Variants in KRT2 observed in about 807,000 individuals in gnomAD.
KRT2 encodes the protein keratin 2, also known as keratin, type II cytoskeletal 2 epidermal.
Under a neutral mutation model 48.5 loss-of-function variants are expected in KRT2, and 37 were observed. The observed-to-expected ratio is 0.76, with a 90% confidence interval of 0.59 to 1.00. The LOEUF (loss-of-function observed/expected upper bound fraction) is 1.00, where lower values mean the gene tolerates loss of function less well. Among genes scored for constraint, KRT2 ranks in the 50% least tolerant of loss-of-function variants. KRT2 has a pLI of 0.00. For synonymous variants in KRT2, 324 were observed against 312.2 expected, an observed-to-expected ratio of 1.04 and a Z score of -0.40; for missense variants, 880 against 815.2, an observed-to-expected ratio of 1.08 and a Z score of -0.97.
Position 52,645,402 on chromosome 12 carries a change from C to T in KRT2, c.1537G>A (p.Ala513Thr), listed in dbSNP as rs1941149365. The T allele has an allele frequency of 1.2e-6, 2 of 1,614,220 alleles. No homozygotes were observed. The highest frequency in any genetic ancestry group is 1.7e-6 in the Non-Finnish European group (2 of 1,180,046). The change falls in exon 9 of 9, where the codon GCA becomes ACA. Residue 513 changes from alanine (A) to threonine (T), a missense_variant. Ala to Thr is a moderately conservative substitution (Grantham distance 58). Coordinates refer to ENST00000309680, the MANE Select transcript of KRT2 (RefSeq NM_000423.3). The stretch of plus-strand genomic sequence containing the variant: ...GAACCTCCAAAGGCAGCCTTGGATG[C>T]CACATTTGATGAAATGGTGCTGCTT... Reference protein sequence around the residue: ...VTSSTISSNVASKAAFGGSGG... With the variant: ...VTSSTISSNVTSKAAFGGSGG...
In KRT2 at chr12:52,647,752, T is replaced by C; in HGVS notation, c.1226A>G (p.Glu409Gly). Residue 409 changes from glutamate to glycine, a missense_variant, in exon 6 of 9, where the codon GAG becomes GGG. Glu to Gly is a moderately conservative substitution (Grantham distance 98). Transcript: ENST00000309680. ...LNRVIQRLQGEIAHVKKQCKN... is the reference protein window; with the variant it reads ...LNRVIQRLQGGIAHVKKQCKN... ...CACCTGCTTCTTCACATGTGCGATC[T>C]CCCCCTGCAGCCTCTGGATCACGCG... 4 of 1,613,748 alleles carry C rather than the reference T, an allele frequency of 2.5e-6. No individual in the cohort carries two copies. The highest frequency in any genetic ancestry group is 3.4e-6 in the Non-Finnish European group (4 of 1,179,840).
At chr12:52,648,138 G>T in intron 5 of KRT2, 35 bp downstream of exon 5, 1 of 1,610,088 alleles carries the variant, frequency 6.2e-7, no homozygotes, top group Non-Finnish European at 8.5e-7. Flanking sequence ...CTCATGGCAG[G>T]GAGCTGTGGC....
rs1171146169 is a variant in KRT2, at chr12:52,651,751, C to A, written c.392G>T (p.Gly131Val). Reference sequence around the variant, plus strand: ...ACCAGGACCCCCTAAACCTCCAACACCACCAGGGCCCCCAAAACCTCCAAA... The same window carrying A: ...ACCAGGACCCCCTAAACCTCCAACAACACCAGGGCCCCCAAAACCTCCAAA... Reference protein sequence around the residue: ...GRFGGFGGPGGVGGLGGPGGF... With the variant: ...GRFGGFGGPGVVGGLGGPGGF... Residue 131 changes from glycine (G) to valine (V), a missense_variant, in exon 1 of 9, where the codon GGT becomes GTT. Gly to Val is a moderately radical substitution (Grantham distance 109). Coordinates refer to ENST00000309680, the MANE Select transcript of KRT2 (RefSeq NM_000423.3). The A allele has an allele frequency of 6.2e-7, 1 of 1,613,956 alleles. No homozygotes were observed. The highest frequency in any genetic ancestry group is 8.5e-7 in the Non-Finnish European group (1 of 1,179,918).
intron 4 of KRT2, 139 bp downstream of exon 4, chr12:52,648,868 C>A (rs1042334892): frequency 1.1e-5 from 8 of 700,592 alleles, no homozygotes; most frequent in Non-Finnish European, 2.1e-5. Flanking sequence ...GAAAGCCCCC[C>A]CAGTGGCCTG....
In KRT2 at chr12:52,650,555, T is replaced by G; in HGVS notation, c.586-2A>C. On this transcript the variant is annotated splice_acceptor_variant, in intron 1 of 8. Transcript: ENST00000309680. LOFTEE classifies it high-confidence loss of function. ...GTTCTGCTGCTCCAAGAACCGCACC[T>G]GCCATGACCAGAAGGAGAGCACATG... 1.2e-6 allele frequency: 2 copies of G among 1,611,442 alleles called. No individual in the cohort carries two copies. Among genetic ancestry groups the G allele is most frequent in the Non-Finnish European group, 1.7e-6 (2 of 1,179,152 alleles).
In KRT2 at chr12:52,651,967, C is replaced by T; in HGVS notation, c.176G>A (p.Gly59Asp). Residue 59 changes from glycine to aspartate, a missense_variant, in exon 1 of 9, where the codon GGC becomes GAC. Transcript: ENST00000309680. Reference sequence around the variant, plus strand: ...TCCAAGGCCAACAAGACTCCGACTGCCAAAGCCGCCTCCACCGAAGCCCCC... The same window carrying T: ...TCCAAGGCCAACAAGACTCCGACTGTCAAAGCCGCCTCCACCGAAGCCCCC... ...GGGGFGGGGF[G>D]SRSLVGLGGT... 6.2e-7 allele frequency: 1 copy of T among 1,613,684 alleles called. No homozygotes were observed. Among genetic ancestry groups the T allele is most frequent in the Non-Finnish European group, 8.5e-7 (1 of 1,179,790 alleles).
intron 5 of KRT2, 66 bp from the exon 6 acceptor site, chr12:52,647,921 GGAGTGAAGGA>G (rs1319005330): frequency 1.3e-6 from 2 of 1,598,974 alleles, no homozygotes; most frequent in African/African-American, 2.7e-5. Context: ...CAGACTGACT[GGAGTGAAGGA>G]GAGCTGGTTA....
chr12:52,650,799 G>A (rs1941238094), intron 1 of KRT2: 2 of 551,408 alleles, frequency 3.6e-6, no homozygotes, highest in South Asian at 3.9e-5. Flanking sequence ...ACTGCTCACT[G>A]GTTTGTTTGC....
chr12:52,646,115 T>G (rs2120938465), intron 7 of KRT2, among the ~76,000 whole-genome samples: 1 of 152,378 alleles, frequency 6.6e-6, no homozygotes, highest in Middle Eastern at 3.4e-3. Context: ...AGCCACTCCC[T>G]GTTTGTCATG....
intron 6 of KRT2, 100 bp from the exon 7 acceptor site, chr12:52,647,060 G>GT: frequency 9.4e-7 from 1 of 1,063,624 alleles, no homozygotes; most frequent in Non-Finnish European, 1.4e-6. Context: ...CCCTGGGAGT[G>GT]TTAGGTCCCC....
chr12:52,651,787 C>G lies in KRT2; in HGVS notation c.356G>C (p.Gly119Ala), dbSNP rs1592257686. ...CCCAAAACCTCCAAAGCGGCCTCCACCAAAGCCGCCTCCACCGAAACCACC... is the reference window on the plus strand; with the variant it reads ...CCCAAAACCTCCAAAGCGGCCTCCAGCAAAGCCGCCTCCACCGAAACCACC... ...SGGGFGGGGF[G>A]GGRFGGFGGP... The change falls in exon 1 of 9, where the codon GGT (glycine) becomes GCT (alanine). Residue 119 changes from glycine (G) to alanine (A), a missense_variant. Gly to Ala is a moderately conservative substitution (Grantham distance 60). Transcript: ENST00000309680. 1.2e-6 allele frequency: 2 copies of G among 1,609,478 alleles called. No individual in the cohort carries two copies. Among genetic ancestry groups the G allele is most frequent in the East Asian group, 2.3e-5 (1 of 44,364 alleles).
Position 52,651,554 on chromosome 12 carries a change from T to C in KRT2, c.585+4A>G. 1 of 1,606,638 alleles carries C rather than the reference T, an allele frequency of 6.2e-7. No homozygotes were observed. The highest frequency in any genetic ancestry group is 8.5e-7 in the Non-Finnish European group (1 of 1,173,326). On this transcript the variant is annotated splice_donor_region_variant and intron_variant, in intron 1 of 8. Transcript: ENST00000309680. ...TCAGTGGGAGCCGTCTTCTCCAGAG[T>C]CACCTTGTCAATGAAGGAGGCAAAT...
intron 6 of KRT2, 69 bp from the exon 7 acceptor site, chr12:52,647,029 G>T: frequency 1.4e-6 from 2 of 1,449,364 alleles, no homozygotes; most frequent in Non-Finnish European, 9.6e-7. Context: ...TGTTCGAAGT[G>T]CAGGAAGCCA....
chr12:52,647,001 G>A (rs1941177017), intron 6 of KRT2, 41 bp from the exon 7 acceptor site: 1 of 1,578,890 alleles, frequency 6.3e-7, no homozygotes, highest in East Asian at 2.2e-5. Context: ...CCTGACGGAG[G>A]CGGACAGAGA....
rs747040957 is a variant in KRT2 at position 52,645,247 on chromosome 12, G to C, written c.1692C>G (p.Gly564=). 9.3e-6 allele frequency: 15 copies of C among 1,613,992 alleles called. No individual in the cohort carries two copies. The highest frequency in any genetic ancestry group is 1.2e-5 in the Non-Finnish European group (14 of 1,180,000). ...GGGSISGGGY[G]SGGGSGGRYG... ...ATCTTCCTCCAGAACCACCGCCAGAGCCATATCCTCCTCCAGAGATAGAAC... is the reference window on the plus strand; with the variant it reads ...ATCTTCCTCCAGAACCACCGCCAGACCCATATCCTCCTCCAGAGATAGAAC... Residue 564 remains glycine, a synonymous_variant, in exon 9 of 9, where the codon GGC becomes GGG. Coordinates refer to ENST00000309680, the MANE Select transcript of KRT2 (RefSeq NM_000423.3).
At chr12:52,647,445 A>G (rs1454554804) in intron 6 of KRT2, among the ~76,000 whole-genome samples, 1 of 152,194 alleles carries the variant, frequency 6.6e-6, no homozygotes, top group African/African-American at 2.4e-5. Context: ...AATCAATCAA[A>G]CTAACGTTTG....
At chr12:52,649,295 G>A (rs1319597498) in intron 3 of KRT2, among the ~76,000 whole-genome samples, 193 bp from the exon 4 acceptor site, 2 of 152,122 alleles carry the variant, frequency 1.3e-5, no homozygotes, top group African/African-American at 2.4e-5. Context: ...TCATGCCTAC[G>A]TCCATGGCTC....
chr12:52,651,796 C>T lies in KRT2; in HGVS notation c.347G>A (p.Gly116Asp). Residue 116 changes from glycine (G) to aspartate (D), a missense_variant, in exon 1 of 9, where the codon GGC becomes GAC. Physicochemically the swap from Gly to Asp is moderately conservative, Grantham distance 94 (BLOSUM62 -1). Coordinates refer to ENST00000309680, the MANE Select transcript of KRT2 (RefSeq NM_000423.3). ...SGFSGGGFGG[G>D]GFGGGRFGGF... ...TCCAAAGCGGCCTCCACCAAAGCCG[C>T]CTCCACCGAAACCACCACCACTGAA... 4.4e-6 allele frequency: 7 copies of T among 1,607,754 alleles called. No individual in the cohort carries two copies. Among genetic ancestry groups the T allele is most frequent in the Non-Finnish European group, 5.1e-6 (6 of 1,176,234 alleles).
chr12:52,646,809 A>G lies in KRT2; in HGVS notation c.1400T>C (p.Met467Thr), dbSNP rs1941169473. 3.1e-6 allele frequency: 5 copies of G among 1,614,090 alleles called. No homozygotes were observed. The highest frequency in any genetic ancestry group is 1.7e-5 in the Admixed American group (1 of 60,020). ...CACATCTAGGGCCAGCTTCACGTTC[A>G]TCAGCTCCTGGTAGTCACGCAGCAG... ...ARLLRDYQEL[M>T]NVKLALDVEI... The change falls in exon 7 of 9, where the codon ATG (methionine) becomes ACG (threonine). Residue 467 changes from methionine (M) to threonine (T), a missense_variant. Transcript: ENST00000309680.
Sources: allele counts gnomAD v4.1 joint callset (sites outside exome capture counted in the v4.1 genomes callset), GRCh38; gene constraint gnomAD v4.1.1; transcripts MANE v1.5; gene names NCBI Gene and HGNC (gene_info 2026-07-23, HGNC 2026-07-21).